EIF2B3: variants seen among roughly 807,000 people sequenced by gnomAD.
EIF2B3 encodes the protein translation initiation factor eIF2B subunit gamma.
Under a neutral mutation model 54.1 loss-of-function variants are expected in EIF2B3, and 20 were observed. That is an observed-to-expected ratio of 0.37 (90% CI 0.26 to 0.54). The LOEUF (loss-of-function observed/expected upper bound fraction) is 0.54, where lower values mean the gene tolerates loss of function less well. EIF2B3 is among the 20% of genes least tolerant of loss of function. The probability of loss-of-function intolerance (pLI) is 0.86; values close to 1 mark genes in which losing one functional copy is unlikely to be tolerated. For synonymous variants in EIF2B3, 153 were observed against 188.1 expected (o/e 0.81, Z 1.52); for missense variants, 448 against 547.8 (o/e 0.82, Z 1.82).
chr1:44,974,381 G>A lies in EIF2B3; in HGVS notation c.294+3934C>T, dbSNP rs1300692875. On this transcript the variant is annotated intron_variant, in intron 3 of 11. Coordinates refer to ENST00000360403, the MANE Select transcript of EIF2B3 (RefSeq NM_020365.5). ...TCAGCTACTTGGGAGGCTTAGGTAG[G>A]AGGATCACCTGAGCCTGGGGAGGTC... Among the ~76,000 whole-genome samples, 6 of 151,590 alleles carry A rather than the reference G, an allele frequency of 4.0e-5. 1 individual carries two copies. The Middle Eastern group carries it at 0.01, about 258-fold the overall frequency.
intron 6 of EIF2B3, among the ~76,000 whole-genome samples, chr1:44,889,408 G>C (rs555176843): frequency 1.3e-5 from 2 of 151,880 alleles, no homozygotes; most frequent in African/African-American, 4.8e-5. Flanking sequence ...GTGGTGGCCT[G>C]TGCCTGTAAT....
At chr1:44,956,413 T>C (rs1644225473) in intron 3 of EIF2B3, among the ~76,000 whole-genome samples, 1 of 151,908 alleles carries the variant, frequency 6.6e-6, no homozygotes, top group African/African-American at 2.4e-5. Context: ...ATACCTAATG[T>C]AGATGTGGGC....
chr1:44,983,642 C>T (rs985512813), intron 1 of EIF2B3, among the ~76,000 whole-genome samples: 3 of 151,924 alleles, frequency 2.0e-5, no homozygotes, highest in African/African-American at 7.3e-5. Context: ...GAGGCCCAGG[C>T]GGGCGGATCA....
At chr1:44,931,654 C>A (rs945076104) in intron 4 of EIF2B3, among the ~76,000 whole-genome samples, 1 of 152,152 alleles carries the variant, frequency 6.6e-6, no homozygotes, top group Non-Finnish European at 1.5e-5. Flanking sequence ...AAGCCATGAC[C>A]GAGTTGGGTT....
Position 44,875,651 on chromosome 1 carries a change from G to C in EIF2B3, c.1020C>G (p.Val340=), listed in dbSNP as rs1655100075. ...TGCTGACAATCTGGGCTGACGAATG[G>C]ACTGGTGGTTCTTCTGGACAGAGAG... ...LSALCPEEPP[V]HSSAQIVSKH... is the part of the protein sequence containing the mutation. Residue 340 remains valine, a synonymous_variant, in exon 9 of 12, where the codon GTC becomes GTG. Coordinates refer to ENST00000360403, the MANE Select transcript of EIF2B3 (RefSeq NM_020365.5). 6.2e-7 allele frequency: 1 copy of C among 1,614,084 alleles called. No individual in the cohort carries two copies. The highest frequency in any genetic ancestry group is 1.1e-5 in the South Asian group (1 of 91,082).
intron 10 of EIF2B3, among the ~76,000 whole-genome samples, chr1:44,859,304 C>T (rs151188593): frequency 5.6e-4 from 84 of 150,876 alleles, no homozygotes; most frequent in East Asian, 2.2e-3. Flanking sequence ...TTGTCATAAA[C>T]GGAGCATCTT....
chr1:44,918,749 C>T (rs1477525955), intron 5 of EIF2B3, among the ~76,000 whole-genome samples: 2 of 152,160 alleles, frequency 1.3e-5, no homozygotes, highest in African/African-American at 4.8e-5. Context: ...ATCTGATTTT[C>T]CATTGTGGAA....
chr1:44,958,935 C>G (rs1644255928), intron 3 of EIF2B3: 1 of 779,840 alleles, frequency 1.3e-6, no homozygotes, highest in Admixed American at 1.9e-5. Flanking sequence ...AATATATACT[C>G]AGCAAATACA....
chr1:44,893,961 A>G (rs1655884970), intron 6 of EIF2B3, among the ~76,000 whole-genome samples: 1 of 152,212 alleles, frequency 6.6e-6, no homozygotes, highest in Non-Finnish European at 1.5e-5. Flanking sequence ...CAAAGCTGGC[A>G]TATTGGCATA....
chr1:44,872,840 G>C (rs1044163886), intron 10 of EIF2B3, among the ~76,000 whole-genome samples: 2 of 152,136 alleles, frequency 1.3e-5, no homozygotes, highest in Non-Finnish European at 2.9e-5. Flanking sequence ...AATTCCTTGA[G>C]GGAAGAGATT....
intron 4 of EIF2B3, chr1:44,932,206 T>G (rs1453795978): frequency 6.6e-6 from 1 of 151,834 alleles, no homozygotes; most frequent in East Asian, 1.9e-4. Context: ...AAATCAGGAA[T>G]GAGAAAAGGG....
At chr1:44,908,783 G>A (rs540246348) in intron 5 of EIF2B3, among the ~76,000 whole-genome samples, 33 of 152,318 alleles carry the variant, frequency 2.2e-4, no homozygotes, top group African/African-American at 7.5e-4. Flanking sequence ...AGTGGCAGAA[G>A]AAAGGGGGTA....
chr1:44,886,035 G>A (rs948251656), intron 6 of EIF2B3, among the ~76,000 whole-genome samples: 7 of 150,744 alleles, frequency 4.6e-5, no homozygotes, highest in African/African-American at 1.2e-4. Context: ...GTAAGCTACC[G>A]TGCCTGGCCA....
At chr1:44,900,445 CAAAAAAA>C (rs34226720) in intron 5 of EIF2B3, among the ~76,000 whole-genome samples, 3 of 43,572 alleles carry the variant, frequency 6.9e-5, no homozygotes, top group African/African-American at 9.1e-5. Flanking sequence ...AGAATCATCT[CAAAAAAA>C]AAAAAAAAAA....
intron 8 of EIF2B3, among the ~76,000 whole-genome samples, chr1:44,876,652 G>C (rs113580051): frequency 9.8e-6 from 1 of 102,042 alleles, no homozygotes; most frequent in African/African-American, 4.3e-5. Flanking sequence ...CTACTGGGAA[G>C]TGAGGAGCCC....
chr1:44,907,623 G>A (rs900001322), intron 5 of EIF2B3, among the ~76,000 whole-genome samples: 2 of 151,764 alleles, frequency 1.3e-5, no homozygotes, highest in African/African-American at 2.4e-5. Flanking sequence ...GGTCACAGCC[G>A]GGCACGGTGG....
intron 5 of EIF2B3, among the ~76,000 whole-genome samples, chr1:44,919,883 C>CTTTTT (rs1194645004): frequency 8.5e-6 from 1 of 117,240 alleles, no homozygotes; most frequent in Non-Finnish European, 1.8e-5. Context: ...TGCCTGGCTA[C>CTTTTT]TTTTTTTTTT....
chr1:44,947,034 T>C (rs551186677), intron 3 of EIF2B3, among the ~76,000 whole-genome samples: 13 of 152,330 alleles, frequency 8.5e-5, no homozygotes, highest in African/African-American at 2.6e-4. Context: ...TCAGCTGCCT[T>C]TGTTTCATGG....
intron 3 of EIF2B3, among the ~76,000 whole-genome samples, chr1:44,953,890 G>A (rs1209342930): frequency 6.6e-6 from 1 of 152,110 alleles, no homozygotes; most frequent in Non-Finnish European, 1.5e-5. Flanking sequence ...AAAGCAAAAG[G>A]TTTTCAATTT....
Sources: gnomAD v4.1 joint callset for allele counts (sites outside exome capture counted in the v4.1 genomes callset) on GRCh38, gnomAD v4.1.1 for gene constraint, MANE v1.5 for transcripts, NCBI Gene and HGNC (gene_info 2026-07-23, HGNC 2026-07-21) for gene names.